Variants in KCNQ3 observed in about 807,000 individuals in gnomAD.
KCNQ3 encodes the protein potassium voltage-gated channel subfamily Q member 3, also known as potassium voltage-gated channel subfamily KQT member 3.
In KCNQ3, 30 loss-of-function variants were observed where a neutral mutation model predicts 92.5. The ratio of observed to expected loss-of-function variants is 0.32; its 90% CI spans 0.24 to 0.44. KCNQ3 has a LOEUF of 0.44. Among genes scored for constraint, KCNQ3 ranks in the 20% least tolerant of loss-of-function variants. KCNQ3 has a pLI of 1.00. For missense variants in KCNQ3, 913 were observed against 1,140.3 expected (o/e 0.80, Z 2.87); for synonymous variants, 450 against 468.8 (o/e 0.96, Z 0.52).
intron 1 of KCNQ3, among the ~76,000 whole-genome samples, chr8:132,455,067 A>G (rs906190238): frequency 6.6e-5 from 10 of 152,220 alleles, no homozygotes; most frequent in African/African-American, 2.4e-4. Context: ...TTAGTTTACA[A>G]TATGAAAAAA....
chr8:132,439,765 G>A (rs932979209), intron 1 of KCNQ3, among the ~76,000 whole-genome samples: 3 of 152,156 alleles, frequency 2.0e-5, no homozygotes, highest in Admixed American at 2.0e-4. Context: ...CCAGAGTCCA[G>A]AAGGGACACA....
At chr8:132,346,318 T>G (rs543871000) in intron 1 of KCNQ3, among the ~76,000 whole-genome samples, 2 of 152,322 alleles carry the variant, frequency 1.3e-5, no homozygotes, top group Non-Finnish European at 2.9e-5. Context: ...CACACTGGTT[T>G]TCTCTGGCTA....
chr8:132,135,123 C>T (rs1362636135), intron 12 of KCNQ3, among the ~76,000 whole-genome samples: 4 of 152,182 alleles, frequency 2.6e-5, no homozygotes, highest in Non-Finnish European at 5.9e-5. Context: ...TCTTTGTGTT[C>T]ATAAGTTCCT....
intron 1 of KCNQ3, among the ~76,000 whole-genome samples, chr8:132,310,871 A>G (rs769974866): frequency 6.6e-6 from 1 of 152,118 alleles, no homozygotes; most frequent in Non-Finnish European, 1.5e-5. Flanking sequence ...GAGGAAAAAT[A>G]CTGGTGACCA....
At chr8:132,222,945 G>A (rs1814283636) in intron 1 of KCNQ3, among the ~76,000 whole-genome samples, 1 of 152,156 alleles carries the variant, frequency 6.6e-6, no homozygotes, top group Non-Finnish European at 1.5e-5. Flanking sequence ...CAAAATCCAG[G>A]GGAGCAAGAA....
intron 1 of KCNQ3, among the ~76,000 whole-genome samples, chr8:132,215,443 T>C (rs550859725): frequency 4.6e-5 from 7 of 152,274 alleles, no homozygotes; most frequent in Admixed American, 3.9e-4. Flanking sequence ...AGAAGATGCA[T>C]CTCTATTCTG....
In KCNQ3 at chr8:132,469,079, T is replaced by C. The variant is rs185595572; in HGVS notation, c.386+11068A>G. ...TCAGAGGGGGCCTCAAAACTTCACA[T>C]TGACTTCAATTTTCTTATCTCCAAA... On this transcript the variant is annotated intron_variant, in intron 1 of 14. Coordinates refer to ENST00000388996, the MANE Select transcript of KCNQ3 (RefSeq NM_004519.4). Among the ~76,000 whole-genome samples the C allele has an allele frequency of 1.7e-4, 26 of 152,328 alleles. No individual in the cohort carries two copies. In the East Asian group the frequency reaches 5.0e-3, roughly 29 times the overall value.
intron 1 of KCNQ3, among the ~76,000 whole-genome samples, chr8:132,190,650 A>T (rs1288584183): frequency 6.6e-6 from 1 of 152,236 alleles, no homozygotes; most frequent in Non-Finnish European, 1.5e-5. Context: ...GAGAAGAACA[A>T]GTCCCAGCCA....
At chr8:132,434,669 C>T (rs1563910953) in intron 1 of KCNQ3, among the ~76,000 whole-genome samples, 1 of 152,174 alleles carries the variant, frequency 6.6e-6, no homozygotes, top group Non-Finnish European at 1.5e-5. Flanking sequence ...GATGTGAATG[C>T]AGGAAACTTC....
At chr8:132,198,590 C>T (rs1563800861) in intron 1 of KCNQ3, among the ~76,000 whole-genome samples, 1 of 152,022 alleles carries the variant, frequency 6.6e-6, no homozygotes, top group South Asian at 2.1e-4. Context: ...GGGTGGATCA[C>T]GAGGTCAGGA....
At chr8:132,174,377 G>C (rs780240610) in intron 5 of KCNQ3, 28 bp from the exon 6 acceptor site, 2 of 1,473,864 alleles carry the variant, frequency 1.4e-6, no homozygotes, top group African/African-American at 2.8e-5. Context: ...CAGACATGGA[G>C]TACCACATGG....
intron 1 of KCNQ3, chr8:132,447,264 G>A: frequency 6.5e-7 from 1 of 1,535,214 alleles, no homozygotes; most frequent in Non-Finnish European, 8.7e-7. Context: ...TTAACAAGTG[G>A]TGGTAACACA....
chr8:132,415,493 C>G (rs1221629930), intron 1 of KCNQ3, among the ~76,000 whole-genome samples: 1 of 152,226 alleles, frequency 6.6e-6, no homozygotes, highest in African/African-American at 2.4e-5. Context: ...CAGCCCCCGG[C>G]TGCAGAACCA....
intron 1 of KCNQ3, among the ~76,000 whole-genome samples, chr8:132,357,208 C>G (rs958097708): frequency 6.6e-6 from 1 of 152,182 alleles, no homozygotes; most frequent in Non-Finnish European, 1.5e-5. Flanking sequence ...ATGCCCCTAT[C>G]TTAGCTTGGG....
chr8:132,425,764 C>A (rs1047975608), intron 1 of KCNQ3, among the ~76,000 whole-genome samples: 10 of 152,182 alleles, frequency 6.6e-5, no homozygotes, highest in African/African-American at 1.2e-4. Flanking sequence ...CTACTCTACT[C>A]ATTTGTATTC....
At chr8:132,334,816 G>A (rs1369895731) in intron 1 of KCNQ3, among the ~76,000 whole-genome samples, 1 of 151,990 alleles carries the variant, frequency 6.6e-6, no homozygotes, top group Admixed American at 6.6e-5. Context: ...GCTATTTAAC[G>A]GCCCCTCCTC....
At chr8:132,225,808 A>C (rs1350185908) in intron 1 of KCNQ3, among the ~76,000 whole-genome samples, 3 of 152,196 alleles carry the variant, frequency 2.0e-5, no homozygotes, top group African/African-American at 7.2e-5. Flanking sequence ...TGCAACCAGA[A>C]ATTTAGAACT....
chr8:132,383,021 A>T (rs560844919), intron 1 of KCNQ3, among the ~76,000 whole-genome samples: 16 of 152,318 alleles, frequency 1.1e-4, no homozygotes, highest in African/African-American at 3.8e-4. Context: ...CAGCATCATC[A>T]TGAGAAGTAC....
intron 2 of KCNQ3, among the ~76,000 whole-genome samples, chr8:132,184,946 C>T (rs1826916140): frequency 6.6e-6 from 1 of 152,228 alleles, no homozygotes; most frequent in Admixed American, 6.5e-5. Context: ...GCTCAAGTAA[C>T]TAGGCTGCAG....
Sources: allele counts gnomAD v4.1 joint callset (sites outside exome capture counted in the v4.1 genomes callset), GRCh38; gene constraint gnomAD v4.1.1; transcripts MANE v1.5; gene names NCBI Gene and HGNC (gene_info 2026-07-23, HGNC 2026-07-21).